TRPC7: variants seen among roughly 807,000 people sequenced by gnomAD.
TRPC7 encodes the protein transient receptor potential cation channel subfamily C member 7, also known as short transient receptor potential channel 7.
TRPC7 carries 42 observed loss-of-function variants against 90.1 expected under a neutral mutation model. That is an observed-to-expected ratio of 0.47 (90% CI 0.36 to 0.60). The LOEUF (loss-of-function observed/expected upper bound fraction) is 0.60. TRPC7 is among the 20% of genes least tolerant of loss of function. The pLI is 0.00. For synonymous variants in TRPC7, 451 were observed against 436.3 expected, an observed-to-expected ratio of 1.03 and a Z score of -0.42; for missense variants, 955 against 1,112.3, an observed-to-expected ratio of 0.86 and a Z score of 2.01.
At chr5:136,238,183 G>C (rs1163521873) in intron 7 of TRPC7, among the ~76,000 whole-genome samples, 1 of 152,218 alleles carries the variant, frequency 6.6e-6, no homozygotes, top group African/African-American at 2.4e-5. Context: ...GTCTGAAGGA[G>C]GCCCTCTCTC....
chr5:136,335,935 G>T (rs867184674), intron 2 of TRPC7, among the ~76,000 whole-genome samples: 19 of 131,670 alleles, frequency 1.4e-4, no homozygotes, highest in Middle Eastern at 8.4e-3. Flanking sequence ...AAAAAGCTAC[G>T]AGATAAAACT....
At chr5:136,302,461 A>G (rs2149832266) in intron 3 of TRPC7, among the ~76,000 whole-genome samples, 1 of 150,150 alleles carries the variant, frequency 6.7e-6, no homozygotes, top group Middle Eastern at 3.4e-3. Context: ...CCATGCCCCG[A>G]CCCCTTTCCC....
At position 136,219,788 on chromosome 5, in the gene TRPC7, C is replaced by T. The variant is rs74426404; in HGVS notation, c.2344-3513G>A. 3.7e-3 allele frequency among the ~76,000 whole-genome samples: 562 copies of T among 152,298 alleles called. 3 individuals carry two copies. Among genetic ancestry groups the T allele is most frequent in the African/African-American group, 0.013 (547 of 41,564 alleles). ...CTCAAAAACCAAAAAAACTTCATGT[C>T]CTCATAGAGACCTAACTTCCCTTCT... On this transcript the variant is annotated intron_variant, in intron 10 of 11. Transcript: ENST00000513104.
intron 3 of TRPC7, among the ~76,000 whole-genome samples, chr5:136,282,072 T>C (rs1375731697): frequency 6.6e-6 from 1 of 152,224 alleles, no homozygotes; most frequent in African/African-American, 2.4e-5. Flanking sequence ...CATCCAAAGG[T>C]ATTAATATTG....
At chr5:136,325,371 T>G (rs993388254) in intron 2 of TRPC7, among the ~76,000 whole-genome samples, 43 of 152,170 alleles carry the variant, frequency 2.8e-4, no homozygotes, top group African/African-American at 9.6e-4. Context: ...AATGGAAAAG[T>G]AGCTGATGTG....
chr5:136,266,450 G>A lies in TRPC7; in HGVS notation c.1129-14C>T. 1 of 1,608,474 alleles carries A rather than the reference G, an allele frequency of 6.2e-7. No homozygotes were observed. The highest frequency in any genetic ancestry group is 8.5e-7 in the Non-Finnish European group (1 of 1,176,272). On this transcript the variant is annotated splice_polypyrimidine_tract_variant and intron_variant, in intron 4 of 11. Coordinates refer to ENST00000513104, the MANE Select transcript of TRPC7 (RefSeq NM_020389.3). Reference sequence around the variant, plus strand: ...GGTTCGTCCTAGCTGGAAAGAAAATGTGTTCAAGACATGTTAAACTGTCTC... The same window carrying A: ...GGTTCGTCCTAGCTGGAAAGAAAATATGTTCAAGACATGTTAAACTGTCTC...
At chr5:136,284,992 G>C (rs891234003) in intron 3 of TRPC7, among the ~76,000 whole-genome samples, 2 of 152,152 alleles carry the variant, frequency 1.3e-5, no homozygotes, top group African/African-American at 4.8e-5. Context: ...ATGACACACG[G>C]AATGAGTATA....
At chr5:136,340,834 A>G (rs1002401024) in intron 2 of TRPC7, among the ~76,000 whole-genome samples, 4 of 152,228 alleles carry the variant, frequency 2.6e-5, no homozygotes, top group African/African-American at 9.6e-5. Context: ...ACCGGAAGAC[A>G]ATTCACAGAA....
intron 2 of TRPC7, among the ~76,000 whole-genome samples, chr5:136,323,574 C>T (rs1234705846): frequency 1.3e-5 from 2 of 152,014 alleles, no homozygotes; most frequent in African/African-American, 2.4e-5. Flanking sequence ...TTGTTCCAGC[C>T]CCATTTGTTG....
chr5:136,261,442 A>G (rs982793571), intron 5 of TRPC7, among the ~76,000 whole-genome samples: 3 of 152,228 alleles, frequency 2.0e-5, no homozygotes, highest in Admixed American at 1.3e-4. Context: ...TTCTCCCGTT[A>G]CAATGAGTGA....
At chr5:136,279,093 G>A (rs944227375) in intron 3 of TRPC7, among the ~76,000 whole-genome samples, 5 of 152,026 alleles carry the variant, frequency 3.3e-5, no homozygotes, top group African/African-American at 1.2e-4. Context: ...CAACTCTTAC[G>A]TTAGGTCTCT....
chr5:136,363,936 T>C (rs1760645517), intron 1 of TRPC7, among the ~76,000 whole-genome samples: 1 of 152,340 alleles, frequency 6.6e-6, no homozygotes, highest in African/African-American at 2.4e-5. Context: ...CAAGTTTTGA[T>C]AGCTTTATTT....
At chr5:136,338,605 A>T (rs1249962840) in intron 2 of TRPC7, among the ~76,000 whole-genome samples, 1 of 152,238 alleles carries the variant, frequency 6.6e-6, no homozygotes, top group Non-Finnish European at 1.5e-5. Flanking sequence ...TGTGACCTTT[A>T]TGTCAGATAC....
intron 5 of TRPC7, among the ~76,000 whole-genome samples, chr5:136,262,139 G>C (rs1055718681): frequency 6.6e-6 from 1 of 152,110 alleles, no homozygotes; most frequent in African/African-American, 2.4e-5. Context: ...TACTGCAGTG[G>C]CCTCCTAATT....
intron 3 of TRPC7, among the ~76,000 whole-genome samples, chr5:136,297,165 C>T (rs1168823263): frequency 6.6e-6 from 1 of 152,156 alleles, no homozygotes; most frequent in African/African-American, 2.4e-5. Flanking sequence ...CATGGTTTCC[C>T]ACACCATTTT....
intron 11 of TRPC7, among the ~76,000 whole-genome samples, chr5:136,215,564 T>C (rs1030307723): frequency 2.0e-5 from 3 of 152,192 alleles, no homozygotes; most frequent in Non-Finnish European, 4.4e-5. Flanking sequence ...GGCTCATGCC[T>C]GTAATCCCAA....
intron 2 of TRPC7, among the ~76,000 whole-genome samples, chr5:136,351,044 C>T (rs1203991427): frequency 6.6e-6 from 1 of 152,144 alleles, no homozygotes; most frequent in Admixed American, 6.5e-5. Context: ...AAATCATTTC[C>T]AGAGAATTTA....
intron 10 of TRPC7, among the ~76,000 whole-genome samples, chr5:136,223,562 G>A (rs906708167): frequency 6.6e-6 from 1 of 151,868 alleles, no homozygotes; most frequent in Non-Finnish European, 1.5e-5. Context: ...GCAGCGAGCC[G>A]AGATCGCACG....
intron 3 of TRPC7, among the ~76,000 whole-genome samples, chr5:136,310,987 T>C (rs1212492603): frequency 6.6e-6 from 1 of 152,186 alleles, no homozygotes; most frequent in Non-Finnish European, 1.5e-5. Context: ...TGCCATGAAG[T>C]AATATATTTT....
Sources: allele counts gnomAD v4.1 joint callset (sites outside exome capture counted in the v4.1 genomes callset), GRCh38; gene constraint gnomAD v4.1.1; transcripts MANE v1.5; gene names NCBI Gene and HGNC (gene_info 2026-07-23, HGNC 2026-07-21).